Variants in USP24 observed in about 807,000 individuals in gnomAD.
USP24 encodes the protein ubiquitin specific peptidase 24.
A neutral mutation model predicts 361.6 loss-of-function variants in USP24; 97 were observed. The observed-to-expected ratio is 0.27, with a 90% CI of 0.23 to 0.32. The LOEUF (loss-of-function observed/expected upper bound fraction) is 0.32, where lower values mean the gene tolerates loss of function less well. USP24 is among the 10% of genes least tolerant of loss of function. The pLI is 1.00. For synonymous variants in USP24, 1,098 were observed against 1,124.6 expected, an observed-to-expected ratio of 0.98 and a Z score of 0.47; for missense variants, 2,353 against 3,165.6, an observed-to-expected ratio of 0.74 and a Z score of 6.16.
At chr1:55,123,692 G>A (rs1646346597) in intron 35 of USP24, 90 bp from the exon 36 acceptor site, 1 of 1,329,932 alleles carries the variant, frequency 7.5e-7, no homozygotes, top group South Asian at 2.0e-5. Flanking sequence ...GAATCCTCAT[G>A]TGACATTAAA....
chr1:55,097,223 C>A, intron 48 of USP24, 51 bp from the exon 49 acceptor site: 2 of 1,579,462 alleles, frequency 1.3e-6, no homozygotes, highest in South Asian at 1.1e-5. Context: ...ACATATACAG[C>A]AGTACCCAGT....
chr1:55,079,438 T>C, intron 60 of USP24, 100 bp downstream of exon 60: 1 of 1,450,110 alleles, frequency 6.9e-7, no homozygotes, highest in East Asian at 2.5e-5. Flanking sequence ...GAAAGAACCA[T>C]TTCTTAACAA....
Position 55,154,654 on chromosome 1 carries a change from TCTGA to T in USP24, c.1554+13_1554+16del, listed in dbSNP as rs780452017. Reference sequence around the variant, plus strand: ...TTAAGAAAATTTAAAAGTAAGCAAGTCTGACTGAACACGTACCTTCTGAATGAGA... The same window carrying T: ...TTAAGAAAATTTAAAAGTAAGCAAGTCTGAACACGTACCTTCTGAATGAGA... On this transcript the variant is annotated intron_variant, in intron 13 of 67. Coordinates refer to ENST00000294383, the MANE Select transcript of USP24 (RefSeq NM_015306.3). The T allele has an allele frequency of 1.9e-6, 3 of 1,606,730 alleles. No individual in the cohort carries two copies. In the East Asian group the frequency reaches 6.7e-5, roughly 36 times the overall value.
At chr1:55,195,032 A>T (rs75013399) in intron 1 of USP24, among the ~76,000 whole-genome samples, 1 of 116,136 alleles carries the variant, frequency 8.6e-6, no homozygotes, top group African/African-American at 3.1e-5. Flanking sequence ...AAAACAAAAC[A>T]AAACGAAAAC....
intron 1 of USP24, among the ~76,000 whole-genome samples, chr1:55,188,964 C>CAAAAAAAAAAAAAAAAAAA (rs533085761): frequency 8.1e-5 from 6 of 74,390 alleles, no homozygotes; most frequent in African/African-American, 2.8e-4. Context: ...AACTCCATCT[C>CAAAAAAAAAAAAAAAAAAA]AAAAAAAAAA....
intron 32 of USP24, among the ~76,000 whole-genome samples, chr1:55,126,804 C>T (rs542022582): frequency 4.3e-4 from 66 of 152,246 alleles, no homozygotes; most frequent in African/African-American, 1.4e-3. Context: ...TTCTCTGTGC[C>T]AGACCTCCCC....
intron 23 of USP24, 126 bp from the exon 24 acceptor site, chr1:55,141,857 G>A (rs1354175021): frequency 4.8e-6 from 4 of 831,148 alleles, no homozygotes; most frequent in Admixed American, 2.3e-5. Flanking sequence ...TGTTTAACAG[G>A]ATCCCTGGCC....
intron 37 of USP24, 57 bp downstream of exon 37, chr1:55,121,379 C>G (rs368603755): frequency 1.3e-6 from 2 of 1,504,554 alleles, no homozygotes; most frequent in Non-Finnish European, 1.8e-6. Context: ...GTAGTTGAGA[C>G]AGCTCACAAA....
chr1:55,210,247 T>C (rs1644816249), intron 1 of USP24, among the ~76,000 whole-genome samples: 1 of 152,224 alleles, frequency 6.6e-6, no homozygotes, highest in Admixed American at 6.5e-5. Flanking sequence ...TATATACATA[T>C]ACTGGATCAG....
intron 1 of USP24, among the ~76,000 whole-genome samples, chr1:55,193,047 A>T (rs1013639849): frequency 1.3e-5 from 2 of 152,306 alleles, no homozygotes; most frequent in African/African-American, 4.8e-5. Flanking sequence ...TATTGAACGG[A>T]TCTAGACATT....
At chr1:55,163,699 A>G (rs894893185) in intron 7 of USP24, among the ~76,000 whole-genome samples, 2 of 152,094 alleles carry the variant, frequency 1.3e-5, no homozygotes, top group African/African-American at 2.4e-5. Flanking sequence ...ATAATTTTAA[A>G]ACAAATATAC....
intron 60 of USP24, 27 bp downstream of exon 60, chr1:55,079,511 A>G (rs1471015225): frequency 6.4e-7 from 1 of 1,556,448 alleles, no homozygotes; most frequent in Admixed American, 2.2e-5. Flanking sequence ...GAGGGAAAAA[A>G]ATGGCTTTAG....
At chr1:55,074,380 T>C (rs1016113304) in intron 63 of USP24, among the ~76,000 whole-genome samples, 4 of 152,166 alleles carry the variant, frequency 2.6e-5, no homozygotes, top group Non-Finnish European at 4.4e-5. Context: ...ACGCCTGTAA[T>C]CCCTGCACTT....
At chr1:55,213,820 C>T (rs1644909589) in intron 1 of USP24, among the ~76,000 whole-genome samples, 1 of 152,120 alleles carries the variant, frequency 6.6e-6, no homozygotes. Flanking sequence ...CAGGCATAGT[C>T]TTCTCCACCT....
At position 55,107,848 on chromosome 1, in the gene USP24, A is replaced by AC. The variant is rs1557570080; in HGVS notation, c.4571-419_4571-418insG. On this transcript the variant is annotated intron_variant, in intron 39 of 67. Coordinates refer to ENST00000294383, the MANE Select transcript of USP24 (RefSeq NM_015306.3). ...AAGAGCAAGACTCTGTCTCAAAAAA[A>AC]AAAAAAAAAAAAAAAAAACACACAA... is the stretch of plus-strand genomic sequence containing the variant. Among the ~76,000 whole-genome samples, 276 of 146,710 alleles carry AC rather than the reference A, an allele frequency of 1.9e-3. 2 individuals are homozygous for AC. The highest frequency in any genetic ancestry group is 6.2e-3 in the African/African-American group (243 of 38,964).
chr1:55,168,103 G>A (rs924236307), intron 5 of USP24, among the ~76,000 whole-genome samples: 2 of 152,144 alleles, frequency 1.3e-5, no homozygotes, highest in African/African-American at 4.8e-5. Context: ...GAGGAAACAT[G>A]GCTTGGGGGC....
chr1:55,168,752 C>T (rs1649156055), intron 5 of USP24, among the ~76,000 whole-genome samples: 2 of 152,134 alleles, frequency 1.3e-5, no homozygotes, highest in Non-Finnish European at 2.9e-5. Flanking sequence ...CCTCATATGG[C>T]TTTACTGCTC....
chr1:55,087,754 T>C (rs1645283316), intron 55 of USP24, among the ~76,000 whole-genome samples: 1 of 152,120 alleles, frequency 6.6e-6, no homozygotes, highest in Non-Finnish European at 1.5e-5. Flanking sequence ...GAAGTTGTAG[T>C]AGAGGAGATG....
intron 42 of USP24, among the ~76,000 whole-genome samples, chr1:55,102,414 C>T (rs1645658003): frequency 6.6e-6 from 1 of 152,146 alleles, no homozygotes; most frequent in African/African-American, 2.4e-5. Context: ...CATGGCACTT[C>T]TTCAAGTGGA....
Sources: gnomAD v4.1 joint callset for allele counts (sites outside exome capture counted in the v4.1 genomes callset) on GRCh38, gnomAD v4.1.1 for gene constraint, MANE v1.5 for transcripts, NCBI Gene and HGNC (gene_info 2026-07-23, HGNC 2026-07-21) for gene names.